Variants in BRINP3 observed in about 807,000 individuals in gnomAD.
The protein encoded by BRINP3 is BMP/retinoic acid-inducible neural-specific protein 3.
A neutral mutation model predicts 71.0 loss-of-function variants in BRINP3; 19 were observed. That is an observed-to-expected ratio of 0.27 (90% CI 0.19 to 0.39). The LOEUF is 0.39. Among genes scored for constraint, BRINP3 ranks in the 10% least tolerant of loss-of-function variants. BRINP3 has a pLI of 1.00. For missense variants in BRINP3, 959 were observed against 940.8 expected, an observed-to-expected ratio of 1.02 and a Z score of -0.25; for synonymous variants, 380 against 337.7, an observed-to-expected ratio of 1.13 and a Z score of -1.37.
chr1:190,141,555 C>CTTTTTTTTTTTTTTTTTTTT (rs35090212), intron 7 of BRINP3, among the ~76,000 whole-genome samples: 5 of 82,376 alleles, frequency 6.1e-5, no homozygotes, highest in Non-Finnish European at 8.6e-5. Context: ...TCTTTCTTTC[C>CTTTTTTTTTTTTTTTTTTTT]TTTTTTTTTT....
At chr1:190,379,726 G>A (rs1161813351) in intron 2 of BRINP3, among the ~76,000 whole-genome samples, 5 of 151,962 alleles carry the variant, frequency 3.3e-5, no homozygotes, top group East Asian at 3.9e-4. Context: ...AGGGCTGGGC[G>A]CGGTGGTTCA....
chr1:190,476,634 G>A (rs1471832598), intron 1 of BRINP3, among the ~76,000 whole-genome samples: 2 of 152,072 alleles, frequency 1.3e-5, no homozygotes, highest in African/African-American at 2.4e-5. Flanking sequence ...TGAAGAGTGA[G>A]GCAATTAAAT....
intron 2 of BRINP3, among the ~76,000 whole-genome samples, chr1:190,410,421 G>A (rs967070764): frequency 3.9e-5 from 6 of 152,140 alleles, no homozygotes; most frequent in South Asian, 2.1e-4. Flanking sequence ...ATAAAATAAA[G>A]GTTTCATTAC....
intron 2 of BRINP3, among the ~76,000 whole-genome samples, chr1:190,290,255 A>G (rs1370299019): frequency 1.3e-5 from 2 of 152,108 alleles, no homozygotes; most frequent in African/African-American, 4.8e-5. Context: ...TATCTAAAAT[A>G]TATGTTTGGA....
At chr1:190,315,691 C>T (rs1665833052) in intron 2 of BRINP3, among the ~76,000 whole-genome samples, 1 of 152,090 alleles carries the variant, frequency 6.6e-6, no homozygotes, top group Admixed American at 6.6e-5. Flanking sequence ...AATTGATGGA[C>T]ATAACTCTGC....
intron 7 of BRINP3, among the ~76,000 whole-genome samples, chr1:190,100,357 CTGTG>C (rs1249935782): frequency 6.6e-6 from 1 of 152,078 alleles, no homozygotes; most frequent in Non-Finnish European, 1.5e-5. Context: ...TTTTGTATTA[CTGTG>C]TATTTACTTA....
intron 2 of BRINP3, among the ~76,000 whole-genome samples, chr1:190,380,305 G>A (rs980352666): frequency 1.3e-5 from 2 of 152,060 alleles, no homozygotes; most frequent in African/African-American, 2.4e-5. Flanking sequence ...TTAAAAGTGC[G>A]GAAGTCACTG....
chr1:190,279,179 T>G (rs2102928499), intron 3 of BRINP3, among the ~76,000 whole-genome samples: 1 of 151,972 alleles, frequency 6.6e-6, no homozygotes, highest in Non-Finnish European at 1.5e-5. Context: ...AACTCAAATT[T>G]TACCTTTCAG....
chr1:190,476,858 A>AG (rs1677536273), intron 1 of BRINP3, among the ~76,000 whole-genome samples: 1 of 152,188 alleles, frequency 6.6e-6, no homozygotes, highest in African/African-American at 2.4e-5. Flanking sequence ...AAATATTTTA[A>AG]GAAAAAAAAA....
At chr1:190,283,206 G>A (rs1663173437) in intron 2 of BRINP3, among the ~76,000 whole-genome samples, 1 of 151,936 alleles carries the variant, frequency 6.6e-6, no homozygotes, top group South Asian at 2.1e-4. Context: ...GCTATCTCCT[G>A]TAAGAATCAG....
At chr1:190,205,306 C>T (rs1384833698) in intron 6 of BRINP3, among the ~76,000 whole-genome samples, 4 of 151,646 alleles carry the variant, frequency 2.6e-5, no homozygotes, top group African/African-American at 9.7e-5. Context: ...ATATGGTTCT[C>T]TTTTCTACCC....
intron 3 of BRINP3, among the ~76,000 whole-genome samples, chr1:190,276,819 C>A (rs996579669): frequency 1.3e-5 from 2 of 150,092 alleles, no homozygotes; most frequent in Non-Finnish European, 3.0e-5. Context: ...CTAAAAAATG[C>A]TTAAGTTTAG....
chr1:190,115,095 G>T (rs1653018450), intron 7 of BRINP3, among the ~76,000 whole-genome samples: 1 of 152,034 alleles, frequency 6.6e-6, no homozygotes, highest in Admixed American at 6.6e-5. Flanking sequence ...AATGATGGCA[G>T]GAAGTTTTAT....
intron 2 of BRINP3, among the ~76,000 whole-genome samples, chr1:190,434,153 C>T (rs907535124): frequency 2.6e-5 from 4 of 151,656 alleles, no homozygotes; most frequent in Non-Finnish European, 5.9e-5. Flanking sequence ...AAGTCTTGTT[C>T]CCTCACCCAG....
At chr1:190,193,721 C>G (rs548186385) in intron 6 of BRINP3, among the ~76,000 whole-genome samples, 1 of 152,082 alleles carries the variant, frequency 6.6e-6, no homozygotes, top group Non-Finnish European at 1.5e-5. Context: ...AGAAAACTTT[C>G]AACTGTAAAC....
At chr1:190,442,174 A>T (rs1476212845) in intron 2 of BRINP3, among the ~76,000 whole-genome samples, 1 of 152,176 alleles carries the variant, frequency 6.6e-6, no homozygotes, top group Non-Finnish European at 1.5e-5. Context: ...TATTTTAAAA[A>T]TTTGCTTTCA....
At chr1:190,214,580 C>T (rs1354238594) in intron 6 of BRINP3, among the ~76,000 whole-genome samples, 1 of 151,948 alleles carries the variant, frequency 6.6e-6, no homozygotes, top group Non-Finnish European at 1.5e-5. Context: ...CAATGGAATC[C>T]TGGCAGGTGT....
chr1:190,232,116 T>A (rs915622722), intron 5 of BRINP3, among the ~76,000 whole-genome samples: 4 of 152,116 alleles, frequency 2.6e-5, no homozygotes, highest in Admixed American at 2.6e-4. Flanking sequence ...ACTATCTATA[T>A]CTATTTATCT....
At chr1:190,201,369 C>T (rs1654989920) in intron 6 of BRINP3, among the ~76,000 whole-genome samples, 1 of 150,716 alleles carries the variant, frequency 6.6e-6, no homozygotes, top group African/African-American at 2.4e-5. Context: ...GATTTGAGTA[C>T]TGTTAAAGGC....
Sources: allele counts gnomAD v4.1 joint callset (sites outside exome capture counted in the v4.1 genomes callset), GRCh38; gene constraint gnomAD v4.1.1; transcripts MANE v1.5; gene names NCBI Gene and HGNC (gene_info 2026-07-23, HGNC 2026-07-21).